HAT1: variants seen among roughly 807,000 people sequenced by gnomAD.
The protein encoded by HAT1 is histone acetyltransferase 1.
Under a neutral mutation model 56.6 loss-of-function variants are expected in HAT1, and 20 were observed. That is an observed-to-expected ratio of 0.35 (90% CI 0.25 to 0.51). The LOEUF is 0.51. HAT1 is among the 20% of genes least tolerant of loss of function. HAT1 has a pLI of 0.95. For missense variants in HAT1, 408 were observed against 504.3 expected, an observed-to-expected ratio of 0.81 and a Z score of 1.83; for synonymous variants, 146 against 165.5, an observed-to-expected ratio of 0.88 and a Z score of 0.91.
chr2:171,955,640 A>G (rs1687421163), intron 4 of HAT1, among the ~76,000 whole-genome samples: 1 of 151,952 alleles, frequency 6.6e-6, no homozygotes, highest in Non-Finnish European at 1.5e-5. Flanking sequence ...AAATAAATAA[A>G]GGAAATAATG....
intron 10 of HAT1, among the ~76,000 whole-genome samples, chr2:171,981,405 C>G (rs1405409294): frequency 6.6e-6 from 1 of 152,110 alleles, no homozygotes; most frequent in Admixed American, 6.5e-5. Flanking sequence ...ATCAGGTACA[C>G]ATAGTTTTGG....
At chr2:171,935,515 C>CAAAAAAAAA (rs56220004) in intron 2 of HAT1, among the ~76,000 whole-genome samples, 1 of 55,648 alleles carries the variant, frequency 1.8e-5, no homozygotes, top group African/African-American at 6.9e-5. Context: ...AACTCCATCT[C>CAAAAAAAAA]AAAAAAAAAA....
chr2:171,930,323 C>T (rs1686709105), intron 2 of HAT1, among the ~76,000 whole-genome samples: 1 of 152,136 alleles, frequency 6.6e-6, no homozygotes, highest in Admixed American at 6.6e-5. Context: ...GCATACACCA[C>T]CATGCCTGGC....
intron 4 of HAT1, among the ~76,000 whole-genome samples, chr2:171,959,871 C>T (rs1294368034): frequency 1.3e-5 from 2 of 152,114 alleles, no homozygotes; most frequent in Admixed American, 6.6e-5. Context: ...AAGGAGGAAC[C>T]AGCCATGTTA....
At chr2:171,948,768 T>G (rs1056516445) in intron 3 of HAT1, among the ~76,000 whole-genome samples, 2 of 152,242 alleles carry the variant, frequency 1.3e-5, no homozygotes, top group African/African-American at 4.8e-5. Flanking sequence ...TTAATTTGAT[T>G]GGTTTATTTG....
At chr2:171,973,169 G>A (rs1687862290) in intron 8 of HAT1, among the ~76,000 whole-genome samples, 1 of 151,936 alleles carries the variant, frequency 6.6e-6, no homozygotes, top group South Asian at 2.1e-4. Context: ...TTTCAACTTG[G>A]AGCTGTGCGT....
At chr2:171,977,554 T>TA (rs1688016083) in intron 9 of HAT1, among the ~76,000 whole-genome samples, 3 of 20,604 alleles carry the variant, frequency 1.5e-4, no homozygotes, top group African/African-American at 8.5e-4. Flanking sequence ...TATATATATA[T>TA]ATATTTTTTT....
chr2:171,962,435 C>T (rs1051482013), intron 4 of HAT1, among the ~76,000 whole-genome samples: 11 of 152,378 alleles, frequency 7.2e-5, no homozygotes, highest in African/African-American at 2.6e-4. Context: ...CACCCTGTCA[C>T]CCAGGCTGGA....
In HAT1 at chr2:171,954,529, T is replaced by C. The variant is rs201629911; in HGVS notation, c.309+1528T>C. 7.2e-5 allele frequency among the ~76,000 whole-genome samples: 11 copies of C among 152,104 alleles called. No homozygotes were observed. The East Asian group carries it at 1.9e-3, about 27-fold the overall frequency. On this transcript the variant is annotated intron_variant, in intron 4 of 10. Transcript: ENST00000264108. ...GGCAAAACCCCGTCTCTACTAAAAA[T>C]ACAAAAATTAGCTGGGCGCAGTGGT...
chr2:171,942,105 A>G (rs1411825180), intron 2 of HAT1, among the ~76,000 whole-genome samples: 2 of 152,042 alleles, frequency 1.3e-5, no homozygotes, highest in African/African-American at 4.8e-5. Flanking sequence ...GGGCTTCACC[A>G]TGTTGGCCAG....
At chr2:171,956,373 G>A (rs1437843759) in intron 4 of HAT1, among the ~76,000 whole-genome samples, 1 of 151,828 alleles carries the variant, frequency 6.6e-6, no homozygotes, top group Non-Finnish European at 1.5e-5. Context: ...CACGCTGGGT[G>A]TGGTGGTGTG....
At chr2:171,983,014 A>G (rs781628880) in intron 10 of HAT1, among the ~76,000 whole-genome samples, 171 bp from the exon 11 acceptor site, 2 of 152,144 alleles carry the variant, frequency 1.3e-5, no homozygotes. Flanking sequence ...CATGGTTAAC[A>G]TTATGTTTAA....
intron 4 of HAT1, among the ~76,000 whole-genome samples, chr2:171,962,452 T>C (rs1687596736): frequency 6.6e-6 from 1 of 152,228 alleles, no homozygotes; most frequent in African/African-American, 2.4e-5. Flanking sequence ...TGGAGTGCAG[T>C]GGCGCAGTCT....
chr2:171,929,019 C>T (rs1464248653), intron 2 of HAT1, among the ~76,000 whole-genome samples: 1 of 152,184 alleles, frequency 6.6e-6, no homozygotes, highest in Non-Finnish European at 1.5e-5. Flanking sequence ...CTTGGCCAGA[C>T]TGACTTCCAA....
intron 4 of HAT1, among the ~76,000 whole-genome samples, chr2:171,959,063 T>C (rs1179036785): frequency 6.6e-6 from 1 of 152,204 alleles, no homozygotes; most frequent in Admixed American, 6.5e-5. Flanking sequence ...TGTAACTACA[T>C]TTAATATTTG....
intron 3 of HAT1, among the ~76,000 whole-genome samples, chr2:171,949,729 G>A (rs13026258): frequency 6.6e-6 from 1 of 151,912 alleles, no homozygotes; most frequent in Admixed American, 6.6e-5. Flanking sequence ...TGTTGACCAG[G>A]CTGGTCTTGA....
chr2:171,945,393 G>A (rs1687132823), intron 2 of HAT1, among the ~76,000 whole-genome samples: 1 of 151,992 alleles, frequency 6.6e-6, no homozygotes, highest in African/African-American at 2.4e-5. Flanking sequence ...AAGGATGTAG[G>A]GAGCAAAGGA....
intron 2 of HAT1, among the ~76,000 whole-genome samples, chr2:171,940,225 G>A (rs1686985355): frequency 6.6e-6 from 1 of 152,130 alleles, no homozygotes; most frequent in Non-Finnish European, 1.5e-5. Flanking sequence ...GGTATTGGTT[G>A]GCAAGAAAAG....
chr2:171,979,818 A>AAAAG (rs1688089145), intron 10 of HAT1: 1 of 152,638 alleles, frequency 6.6e-6, no homozygotes, highest in East Asian at 1.9e-4. Flanking sequence ...AAAAGAAAAG[A>AAAAG]AAAGAAAAGA....
Sources: gnomAD v4.1 joint callset for allele counts (sites outside exome capture counted in the v4.1 genomes callset) on GRCh38, gnomAD v4.1.1 for gene constraint, MANE v1.5 for transcripts, NCBI Gene and HGNC (gene_info 2026-07-23, HGNC 2026-07-21) for gene names.